LETM1: variants seen among roughly 807,000 people sequenced by gnomAD.
LETM1 encodes mitochondrial proton/calcium exchanger protein.
Under a neutral mutation model 74.5 loss-of-function variants are expected in LETM1, and 50 were observed. The ratio of observed to expected loss-of-function variants is 0.67; its 90% CI spans 0.53 to 0.85. The LOEUF (loss-of-function observed/expected upper bound fraction) is 0.85. Ranked by LOEUF, LETM1 falls within the 40% of genes least tolerant of loss-of-function variation. LETM1 has a pLI of 0.00. For missense variants in LETM1, 824 were observed against 967.8 expected (o/e 0.85, Z 1.97); for synonymous variants, 446 against 407.1 (o/e 1.10, Z -1.15).
chr4:1,825,492 CCGAGTGGCCTTT>C (rs1426830574), intron 7 of LETM1, 60 bp downstream of exon 7: 2 of 1,554,966 alleles, frequency 1.3e-6, no homozygotes, highest in Non-Finnish European at 1.8e-6. Flanking sequence ...GGAAGAGCCT[CCGAGTGGCCTTT>C]CGAGGCTGAT....
chr4:1,826,932 C>A (rs1034585922), intron 6 of LETM1, among the ~76,000 whole-genome samples: 24 of 152,228 alleles, frequency 1.6e-4, no homozygotes, highest in Non-Finnish European at 3.2e-4. Context: ...AAGGCAAGTG[C>A]TGAAGCTTCC....
At position 1,827,791 on chromosome 4, in the gene LETM1, A is replaced by T. The variant is rs1438277121; in HGVS notation, c.1081-2108T>A. Among the ~76,000 whole-genome samples, 1,001 of 149,738 alleles carry T rather than the reference A, an allele frequency of 6.7e-3. 10 individuals are homozygous for T. The highest frequency in any genetic ancestry group is 0.023 in the African/African-American group (931 of 40,342). ...CCATTGTCATCCTGGCCCGTTCTCA[A>T]TGAGCTGTTGGGCACACCTCCCAGA... On this transcript the variant is annotated intron_variant, in intron 6 of 13. Coordinates refer to ENST00000302787, the MANE Select transcript of LETM1 (RefSeq NM_012318.3).
intron 6 of LETM1, among the ~76,000 whole-genome samples, chr4:1,826,158 A>G (rs1439829620): frequency 6.6e-6 from 1 of 152,230 alleles, no homozygotes; most frequent in Admixed American, 6.5e-5. Context: ...GGAGTCCCAG[A>G]GGTAGAGGAC....
chr4:1,819,202 A>C, intron 11 of LETM1, 136 bp downstream of exon 11: 1 of 842,072 alleles, frequency 1.2e-6, no homozygotes, highest in Non-Finnish European at 1.8e-6. Context: ...GTTTATTTAT[A>C]ACGTGCTTTC....
At chr4:1,839,061 C>T (rs1051175443) in intron 3 of LETM1, among the ~76,000 whole-genome samples, 2 of 152,210 alleles carry the variant, frequency 1.3e-5, no homozygotes, top group Admixed American at 6.5e-5. Context: ...AAGATTACTT[C>T]AGCTGAAAAG....
At position 1,814,133 on chromosome 4, in the gene LETM1, G is replaced by A; in HGVS notation, c.*291C>T. On this transcript the variant is annotated 3_prime_UTR_variant, in exon 14 of 14. Coordinates refer to ENST00000302787, the MANE Select transcript of LETM1 (RefSeq NM_012318.3). ...ATGCTGAGACTGAGGCCACACACAT[G>A]GGGGCGCCTTCCTGCCTTGGCCCAG... is the stretch of plus-strand genomic sequence containing the variant. The A allele has an allele frequency of 6.9e-6, 3 of 432,914 alleles. No individual in the cohort carries two copies. The highest frequency in any genetic ancestry group is 4.5e-5 in the South Asian group (2 of 44,632). The allele number at this position is 432,914 out of a possible 1,614,324, so 26.8% of individuals were successfully genotyped here.
intron 6 of LETM1, among the ~76,000 whole-genome samples, chr4:1,831,216 T>C (rs1394333842): frequency 6.6e-6 from 1 of 152,224 alleles, no homozygotes; most frequent in African/African-American, 2.4e-5. Context: ...GACCTCTCCA[T>C]GTTGTCACTC....
At chr4:1,826,981 G>T (rs555454948) in intron 6 of LETM1, among the ~76,000 whole-genome samples, 1 of 151,914 alleles carries the variant, frequency 6.6e-6, no homozygotes. Context: ...GCCTCCACTC[G>T]CATCGTCGCC....
intron 10 of LETM1, among the ~76,000 whole-genome samples, chr4:1,819,737 C>T (rs570779141): frequency 6.6e-6 from 1 of 152,218 alleles, no homozygotes; most frequent in Non-Finnish European, 1.5e-5. Context: ...TGAAACTTCA[C>T]TACAGTCAAA....
chr4:1,846,755 G>C (rs1207099552), intron 2 of LETM1: 1 of 152,110 alleles, frequency 6.6e-6, no homozygotes, highest in Non-Finnish European at 1.5e-5. Context: ...CAGCTGTTCT[G>C]ACACAGATCT....
rs775134824 is a variant in LETM1 at position 1,835,000 on chromosome 4, G to A, written c.739-18C>T. The stretch of plus-strand genomic sequence containing the variant: ...CTCTCCTCCTGCAAGGGCAGAGAGG[G>A]CACTGCATTCCAACTGCTCAGACTG... On this transcript the variant is annotated intron_variant, in intron 4 of 13. Coordinates refer to ENST00000302787, the MANE Select transcript of LETM1 (RefSeq NM_012318.3). This position sits in a 1 kb window ranked among gnomAD's most constrained non-coding sequence, Gnocchi z 5.0. 2.4e-5 allele frequency: 39 copies of A among 1,611,814 alleles called. No individual in the cohort carries two copies. Among genetic ancestry groups the A allele is most frequent in the Non-Finnish European group, 3.3e-5 (39 of 1,178,900 alleles).
At position 1,834,842 on chromosome 4, in the gene LETM1, C is replaced by T. The variant is rs768862043; in HGVS notation, c.876+3G>A. On this transcript the variant is annotated splice_donor_region_variant and intron_variant, in intron 5 of 13. Transcript: ENST00000302787. This position sits in a 1 kb window ranked among gnomAD's most constrained non-coding sequence, Gnocchi z 5.0. ...TCACAGGGACTCAGACGTATCACAG[C>T]ACCTTCTGGAAAAACACAGAGAAGT... The T allele has an allele frequency of 1.9e-6, 3 of 1,613,924 alleles. No individual in the cohort carries two copies. Among genetic ancestry groups the T allele is most frequent in the East Asian group, 4.5e-5 (2 of 44,882 alleles).
chr4:1,822,467 G>T (rs1711816579), intron 9 of LETM1, 155 bp from the exon 10 acceptor site: 1 of 806,356 alleles, frequency 1.2e-6, no homozygotes, highest in Non-Finnish European at 1.7e-6. Flanking sequence ...CCCTAGGGAG[G>T]CTCCATGCAG....
chr4:1,822,541 C>G (rs1577312086), intron 9 of LETM1: 1 of 391,478 alleles, frequency 2.6e-6, no homozygotes, highest in Admixed American at 4.6e-5. Flanking sequence ...TCTGGTCTCC[C>G]CAAGACTCCC....
At chr4:1,824,853 C>T (rs761851442) in intron 7 of LETM1, among the ~76,000 whole-genome samples, 2 of 152,242 alleles carry the variant, frequency 1.3e-5, no homozygotes, top group African/African-American at 2.4e-5. Context: ...ATGGAAGACG[C>T]GGCTGTGGAA....
intron 4 of LETM1, 68 bp from the exon 5 acceptor site, chr4:1,835,050 A>C: frequency 5.4e-4 from 809 of 1,502,460 alleles, no homozygotes; most frequent in Non-Finnish European, 6.7e-4. Flanking sequence ...AAAACATCTC[A>C]CGCCTGTGCC....
intron 6 of LETM1, among the ~76,000 whole-genome samples, chr4:1,830,184 T>C (rs1000886017): frequency 2.6e-5 from 4 of 152,258 alleles, no homozygotes; most frequent in African/African-American, 9.6e-5. Flanking sequence ...TCTACTATTT[T>C]CTCTCTGTTG....
chr4:1,827,059 C>T (rs993125849), intron 6 of LETM1, among the ~76,000 whole-genome samples: 7 of 152,160 alleles, frequency 4.6e-5, no homozygotes, highest in Non-Finnish European at 2.9e-5. Context: ...GAGGGCAGCT[C>T]GCCATGCCGA....
chr4:1,816,754 A>C lies in LETM1; in HGVS notation c.1904T>G (p.Leu635Arg), dbSNP rs1309923348. The change falls in exon 12 of 14, where the codon CTG (leucine) becomes CGG (arginine). Residue 635 changes from leucine (L) to arginine (R), a missense_variant. Coordinates refer to ENST00000302787, the MANE Select transcript of LETM1 (RefSeq NM_012318.3). Reference sequence around the variant, plus strand: ...CGTGGGCATGCCGTTGGCCGGGGCCAGCTTGCCAGCCTGCTGGTCCATCTC... The same window carrying C: ...CGTGGGCATGCCGTTGGCCGGGGCCCGCTTGCCAGCCTGCTGGTCCATCTC... ...QLEMDQQAGK[L>R]APANGMPTGE... 1 of 1,614,048 alleles carries C rather than the reference A, an allele frequency of 6.2e-7. No homozygotes were observed. Among genetic ancestry groups the C allele is most frequent in the Non-Finnish European group, 8.5e-7 (1 of 1,180,004 alleles).
Sources: gnomAD v4.1 joint callset for allele counts (sites outside exome capture counted in the v4.1 genomes callset) on GRCh38, gnomAD v4.1.1 for gene constraint, Gnocchi (gnomAD v3.1) non-coding constraint, MANE v1.5 for transcripts, NCBI Gene and HGNC (gene_info 2026-07-23, HGNC 2026-07-21) for gene names.